The following RAPGEF5 variants were observed in gnomAD, a reference collection of about 807,000 sequenced individuals.
RAPGEF5 encodes M-Ras-regulated GEF.
Under a neutral mutation model 125.2 loss-of-function variants are expected in RAPGEF5, and 65 were observed. The ratio of observed to expected loss-of-function variants is 0.52; its 90% CI spans 0.43 to 0.64. The LOEUF (loss-of-function observed/expected upper bound fraction) is 0.64. Among genes scored for constraint, RAPGEF5 ranks in the 30% least tolerant of loss-of-function variants. The pLI is 0.00. For synonymous variants in RAPGEF5, 391 were observed against 385.9 expected, an observed-to-expected ratio of 1.01 and a Z score of -0.16; for missense variants, 958 against 1,048.1, an observed-to-expected ratio of 0.91 and a Z score of 1.19.
chr7:22,345,203 G>C (rs537028135), intron 1 of RAPGEF5, among the ~76,000 whole-genome samples: 44 of 152,332 alleles, frequency 2.9e-4, no homozygotes, highest in Admixed American at 5.2e-4. Context: ...CCTGGACTGA[G>C]AAGCCCAGCC....
At chr7:22,294,775 C>A (rs1204740400) in intron 5 of RAPGEF5, among the ~76,000 whole-genome samples, 1 of 152,198 alleles carries the variant, frequency 6.6e-6, no homozygotes, top group African/African-American at 2.4e-5. Context: ...CCAGCCACAA[C>A]ATCTCTCACC....
chr7:22,340,142 T>G (rs1784098419), intron 1 of RAPGEF5, among the ~76,000 whole-genome samples: 2 of 152,102 alleles, frequency 1.3e-5, no homozygotes, highest in Admixed American at 1.3e-4. Flanking sequence ...AGCCCTCAGC[T>G]GGGGCCAGGC....
chr7:22,196,998 T>G (rs943944069), intron 9 of RAPGEF5, among the ~76,000 whole-genome samples: 4 of 151,936 alleles, frequency 2.6e-5, no homozygotes, highest in Non-Finnish European at 5.9e-5. Context: ...AGAAGTAAAG[T>G]GGGAGAATAT....
intron 7 of RAPGEF5, among the ~76,000 whole-genome samples, chr7:22,248,875 A>AT (rs1786547673): frequency 6.6e-6 from 1 of 152,184 alleles, no homozygotes; most frequent in African/African-American, 2.4e-5. Context: ...TTTGCTCCCT[A>AT]TTGTAGCCAG....
intron 7 of RAPGEF5, among the ~76,000 whole-genome samples, chr7:22,241,277 A>C (rs985061593): frequency 7.9e-5 from 12 of 152,188 alleles, no homozygotes; most frequent in Non-Finnish European, 8.8e-5. Flanking sequence ...TTTACTGCCA[A>C]ATCTTCCCAG....
chr7:22,346,836 T>A (rs1011029322), intron 1 of RAPGEF5, among the ~76,000 whole-genome samples: 5 of 152,078 alleles, frequency 3.3e-5, no homozygotes, highest in African/African-American at 1.2e-4. Flanking sequence ...ATACAAACAG[T>A]ACAAAATGAA....
chr7:22,160,755 T>A (rs1017855043), intron 13 of RAPGEF5, 140 bp from the exon 14 acceptor site: 4 of 1,010,742 alleles, frequency 4.0e-6, no homozygotes, highest in African/African-American at 1.7e-5. Flanking sequence ...GCCAATGAGA[T>A]CCAGAATGGG....
At chr7:22,151,560 G>A (rs918021829) in intron 17 of RAPGEF5, among the ~76,000 whole-genome samples, 36 of 150,014 alleles carry the variant, frequency 2.4e-4, no homozygotes, top group Non-Finnish European at 1.8e-4. Flanking sequence ...CTCCTCCTGG[G>A]TTCAAGTGAT....
chr7:22,335,493 G>A (rs993690225), intron 1 of RAPGEF5, among the ~76,000 whole-genome samples: 3 of 152,074 alleles, frequency 2.0e-5, no homozygotes, highest in African/African-American at 7.2e-5. Flanking sequence ...GAGGACAACT[G>A]GCACCATGCT....
At position 22,135,498 on chromosome 7, in the gene RAPGEF5, G is replaced by A. The variant is rs143526498; in HGVS notation, c.2416+540C>T. On this transcript the variant is annotated intron_variant, in intron 23 of 25. Coordinates refer to ENST00000665637, the MANE Select transcript of RAPGEF5 (RefSeq NM_012294.5). Reference sequence around the variant, plus strand: ...TGCTTAGTGGGGAGTGGTCAGTGGAGTAACTTGCAGCTATCAAATATTTTC... The same window carrying A: ...TGCTTAGTGGGGAGTGGTCAGTGGAATAACTTGCAGCTATCAAATATTTTC... Among the ~76,000 whole-genome samples the A allele has an allele frequency of 2.0e-5, 3 of 152,288 alleles. No individual in the cohort carries two copies. In the East Asian group the frequency reaches 5.8e-4, roughly 29 times the overall value.
At chr7:22,225,250 G>A (rs367862610) in intron 8 of RAPGEF5, among the ~76,000 whole-genome samples, 3 of 152,284 alleles carry the variant, frequency 2.0e-5, no homozygotes, top group East Asian at 3.9e-4. Flanking sequence ...TTGGGCCCAC[G>A]AAGCAAATAT....
intron 7 of RAPGEF5, among the ~76,000 whole-genome samples, chr7:22,249,348 G>A (rs937911964): frequency 6.6e-6 from 1 of 151,882 alleles, no homozygotes; most frequent in East Asian, 1.9e-4. Flanking sequence ...CATCATGCTT[G>A]GCTAATTTTT....
intron 5 of RAPGEF5, among the ~76,000 whole-genome samples, chr7:22,301,614 CAAAA>C (rs35404390): frequency 1.2e-5 from 1 of 83,802 alleles, no homozygotes. Context: ...GACTCTGTCT[CAAAA>C]AAAAAAAAAA....
intron 22 of RAPGEF5, 27 bp from the exon 23 acceptor site, chr7:22,136,152 G>C: frequency 6.6e-7 from 1 of 1,526,498 alleles, no homozygotes; most frequent in South Asian, 1.2e-5. Flanking sequence ...ATTACAAAGA[G>C]AAAGAAAAAT....
At chr7:22,283,204 A>G (rs1782716683) in intron 6 of RAPGEF5, among the ~76,000 whole-genome samples, 1 of 152,188 alleles carries the variant, frequency 6.6e-6, no homozygotes, top group African/African-American at 2.4e-5. Context: ...TCAACTAAAC[A>G]AAAAGGAAAC....
intron 24 of RAPGEF5, among the ~76,000 whole-genome samples, chr7:22,128,333 A>C (rs1161567325): frequency 1.3e-5 from 2 of 152,234 alleles, no homozygotes; most frequent in African/African-American, 4.8e-5. Context: ...CAGAAATCTC[A>C]TTAGACCTGA....
chr7:22,120,726 A>C lies in RAPGEF5; in HGVS notation c.*1680T>G, dbSNP rs893133104. ...GGATGCCCTTCTATAAAACCCTATAAATGTTCAGGACTGAAGTTTTACATG... is the reference window on the plus strand; with the variant it reads ...GGATGCCCTTCTATAAAACCCTATACATGTTCAGGACTGAAGTTTTACATG... On this transcript the variant is annotated 3_prime_UTR_variant, in exon 26 of 26. Coordinates refer to ENST00000665637, the MANE Select transcript of RAPGEF5 (RefSeq NM_012294.5). This position sits in a 1 kb window ranked among gnomAD's most constrained non-coding sequence, Gnocchi z 4.0. 1 of 152,200 alleles carries C rather than the reference A, an allele frequency of 6.6e-6. No homozygotes were observed. The highest frequency in any genetic ancestry group is 1.5e-5 in the Non-Finnish European group (1 of 68,030). The allele number at this position is 152,200 out of a possible 1,614,324, so 9.4% of individuals were successfully genotyped here. A position where few individuals can be genotyped will look rare whatever the true frequency, so the allele number is the denominator to read the frequency against.
intron 9 of RAPGEF5, among the ~76,000 whole-genome samples, chr7:22,206,624 G>T (rs916594199): frequency 4.6e-5 from 7 of 150,800 alleles, no homozygotes; most frequent in African/African-American, 1.7e-4. Context: ...GATTGTGGCT[G>T]CAGTGAGTTG....
At chr7:22,316,460 CATAT>C (rs757768702) in intron 2 of RAPGEF5, among the ~76,000 whole-genome samples, 1,065 of 92,396 alleles carry the variant, frequency 0.012, 37 homozygotes, top group African/African-American at 0.027. Flanking sequence ...TATACATAGA[CATAT>C]ATATATATAT....
Sources: allele counts gnomAD v4.1 joint callset (sites outside exome capture counted in the v4.1 genomes callset), GRCh38; gene constraint gnomAD v4.1.1; non-coding constraint Gnocchi (gnomAD v3.1); transcripts MANE v1.5; gene names NCBI Gene and HGNC (gene_info 2026-07-23, HGNC 2026-07-21).